The following LRRC69 variants were observed in gnomAD, a reference collection of about 807,000 sequenced individuals.
LRRC69 encodes leucine rich repeat containing 69.
Under a neutral mutation model 37.8 loss-of-function variants are expected in LRRC69, and 42 were observed. That is an observed-to-expected ratio of 1.11 (90% CI 0.87 to 1.44). The LOEUF (loss-of-function observed/expected upper bound fraction) is 1.44. Ranked by LOEUF, LRRC69 falls within the 40% of genes most tolerant of loss-of-function variation. The pLI is 0.00. For synonymous variants in LRRC69, 141 were observed against 143.1 expected (o/e 0.99, Z 0.11); for missense variants, 357 against 401.9 (o/e 0.89, Z 0.96).
chr8:91,123,124 A>G (rs998656723), intron 1 of LRRC69, among the ~76,000 whole-genome samples: 9 of 152,088 alleles, frequency 5.9e-5, no homozygotes, highest in Non-Finnish European at 1.2e-4. Flanking sequence ...AAAGGCAGGC[A>G]AACAGATCAT....
intron 2 of LRRC69, among the ~76,000 whole-genome samples, chr8:91,125,820 A>C (rs1211741863): frequency 1.3e-5 from 2 of 151,730 alleles, no homozygotes; most frequent in Non-Finnish European, 2.9e-5. Context: ...TATGTATATA[A>C]AATTTGTTTG....
chr8:91,113,972 CAAAA>C (rs34806474), intron 1 of LRRC69, among the ~76,000 whole-genome samples: 2 of 60,486 alleles, frequency 3.3e-5, no homozygotes, highest in African/African-American at 1.5e-4. Context: ...AGACTTGTCT[CAAAA>C]AAAAAAAAAA....
intron 7 of LRRC69, among the ~76,000 whole-genome samples, chr8:91,213,677 A>G (rs1809979026): frequency 6.6e-6 from 1 of 152,232 alleles, no homozygotes; most frequent in Non-Finnish European, 1.5e-5. Flanking sequence ...TTCAAAGTGG[A>G]AGATGAGATC....
intron 7 of LRRC69, among the ~76,000 whole-genome samples, chr8:91,209,702 G>C (rs1809871142): frequency 6.6e-6 from 1 of 152,154 alleles, no homozygotes; most frequent in Non-Finnish European, 1.5e-5. Flanking sequence ...GTTTAATGCT[G>C]TGATTAGGTA....
At chr8:91,175,171 G>A (rs1586266087) in intron 5 of LRRC69, among the ~76,000 whole-genome samples, 1 of 152,026 alleles carries the variant, frequency 6.6e-6, no homozygotes, top group Non-Finnish European at 1.5e-5. Flanking sequence ...GGGAGGAGTA[G>A]GGAAAATCTC....
At position 91,186,542 on chromosome 8, in the gene LRRC69, TA is replaced by T. The variant is rs570034914; in HGVS notation, c.652-2979del. Among the ~76,000 whole-genome samples the T allele has an allele frequency of 1.9e-4, 29 of 152,240 alleles. No individual in the cohort carries two copies. In the East Asian group the frequency reaches 4.1e-3, roughly 21 times the overall value. On this transcript the variant is annotated intron_variant, in intron 5 of 7. Coordinates refer to ENST00000448384, the Ensembl canonical transcript of LRRC69. ...GGTAAAGATGGGGCTTACTAGGATA[TA>T]TGGTTGGAGAGTCAGCCAAGGAGAG...
chr8:91,113,972 C>CAAAAA (rs34806474), intron 1 of LRRC69, among the ~76,000 whole-genome samples: 27,799 of 60,228 alleles, frequency 0.46, 6,739 homozygotes, highest in South Asian at 0.54. Context: ...AGACTTGTCT[C>CAAAAA]AAAAAAAAAA....
chr8:91,162,581 C>T (rs1336697159), intron 5 of LRRC69, among the ~76,000 whole-genome samples: 1 of 151,306 alleles, frequency 6.6e-6, no homozygotes, highest in Non-Finnish European at 1.5e-5. Context: ...CTCCTGCTCA[C>T]TTTTGTTTTC....
At chr8:91,135,909 T>G (rs562273641) in intron 5 of LRRC69, among the ~76,000 whole-genome samples, 170 bp downstream of exon 5, 12 of 152,164 alleles carry the variant, frequency 7.9e-5, no homozygotes, top group African/African-American at 2.6e-4. Context: ...CCTGTTTTTT[T>G]CTTTGTGTTC....
chr8:91,160,044 T>G (rs76056922), intron 5 of LRRC69, among the ~76,000 whole-genome samples: 8,636 of 151,328 alleles, frequency 0.057, 320 homozygotes, highest in Middle Eastern at 0.16. Context: ...ATTTTTGTGT[T>G]TGCCCTCTTT....
chr8:91,195,113 T>C (rs2130619173), intron 6 of LRRC69, among the ~76,000 whole-genome samples: 1 of 152,364 alleles, frequency 6.6e-6, no homozygotes, highest in Admixed American at 6.5e-5. Context: ...CCAGTAGTCA[T>C]TCAAGAGCAG....
intron 1 of LRRC69, among the ~76,000 whole-genome samples, chr8:91,112,313 C>T (rs981883281): frequency 6.6e-6 from 1 of 151,954 alleles, no homozygotes; most frequent in Non-Finnish European, 1.5e-5. Flanking sequence ...ATCTCTGTGG[C>T]CCAAACATGC....
chr8:91,211,595 AAT>A (rs144378729), intron 7 of LRRC69, among the ~76,000 whole-genome samples: 1,941 of 140,394 alleles, frequency 0.014, 27 homozygotes, highest in African/African-American at 0.046. Context: ...CAATTATACA[AAT>A]ATATATATAT....
chr8:91,199,278 A>G (rs1809673830), intron 6 of LRRC69, among the ~76,000 whole-genome samples: 1 of 152,194 alleles, frequency 6.6e-6, no homozygotes, highest in South Asian at 2.1e-4. Context: ...GCACCCTTGT[A>G]ATATTAGTGT....
At chr8:91,109,937 G>C (rs563635450) in intron 1 of LRRC69, among the ~76,000 whole-genome samples, 1 of 152,028 alleles carries the variant, frequency 6.6e-6, no homozygotes, top group Non-Finnish European at 1.5e-5. Flanking sequence ...TTAAACAGCG[G>C]TTTTAAGGAT....
intron 1 of LRRC69, among the ~76,000 whole-genome samples, chr8:91,112,555 C>G (rs1813426426): frequency 6.6e-6 from 1 of 152,036 alleles, no homozygotes; most frequent in African/African-American, 2.4e-5. Flanking sequence ...GATTAAAGCT[C>G]TCAACAAAAT....
chr8:91,154,308 T>G (rs1808794742), intron 5 of LRRC69, among the ~76,000 whole-genome samples: 1 of 151,710 alleles, frequency 6.6e-6, no homozygotes, highest in African/African-American at 2.4e-5. Context: ...GAGGAGTTGG[T>G]ACCATTCCCC....
chr8:91,174,588 C>G (rs1276504985), intron 5 of LRRC69, among the ~76,000 whole-genome samples: 2 of 152,190 alleles, frequency 1.3e-5, no homozygotes, highest in African/African-American at 4.8e-5. Context: ...CTATAAACAG[C>G]CTTCATGAAA....
intron 7 of LRRC69, among the ~76,000 whole-genome samples, chr8:91,213,389 T>C (rs1809972463): frequency 6.6e-6 from 1 of 152,190 alleles, no homozygotes; most frequent in Non-Finnish European, 1.5e-5. Context: ...CAAATCCCAA[T>C]GTATGGTTAC....
Sources: gnomAD v4.1 joint callset for allele counts (sites outside exome capture counted in the v4.1 genomes callset) on GRCh38, gnomAD v4.1.1 for gene constraint, MANE v1.5 for transcripts, NCBI Gene and HGNC (gene_info 2026-07-23, HGNC 2026-07-21) for gene names.